The following TRAPPC9 variants were observed in gnomAD, a reference collection of about 807,000 sequenced individuals.
TRAPPC9 encodes IKK2 binding protein.
A neutral mutation model predicts 124.0 loss-of-function variants in TRAPPC9; 83 were observed. The ratio of observed to expected loss-of-function variants is 0.67; its 90% CI spans 0.56 to 0.80. TRAPPC9 has a LOEUF of 0.80. TRAPPC9 is among the 30% of genes least tolerant of loss of function. The pLI is 0.00. For synonymous variants in TRAPPC9, 638 were observed against 617.5 expected, an observed-to-expected ratio of 1.03 and a Z score of -0.49; for missense variants, 1,302 against 1,508.3, an observed-to-expected ratio of 0.86 and a Z score of 2.27.
intron 17 of TRAPPC9, among the ~76,000 whole-genome samples, chr8:140,123,479 C>T (rs1158330655): frequency 6.6e-6 from 1 of 152,140 alleles, no homozygotes; most frequent in Non-Finnish European, 1.5e-5. Flanking sequence ...TCTGCTCTCC[C>T]TGCCCTGCCC....
chr8:140,301,496 G>GT (rs1471271252), intron 10 of TRAPPC9, among the ~76,000 whole-genome samples: 1 of 152,228 alleles, frequency 6.6e-6, no homozygotes, highest in Admixed American at 6.5e-5. Flanking sequence ...CTGGAAAGCA[G>GT]TAACAACAGG....
At chr8:139,890,788 T>A (rs1830290055) in intron 20 of TRAPPC9, among the ~76,000 whole-genome samples, 1 of 151,802 alleles carries the variant, frequency 6.6e-6, no homozygotes, top group African/African-American at 2.4e-5. Flanking sequence ...ATGGCACATG[T>A]ATACGTATGT....
At chr8:140,086,464 T>C (rs1844189292) in intron 17 of TRAPPC9, among the ~76,000 whole-genome samples, 1 of 152,160 alleles carries the variant, frequency 6.6e-6, no homozygotes, top group Non-Finnish European at 1.5e-5. Context: ...AGCCTCCCCA[T>C]GGCTCTCAGG....
chr8:139,918,185 A>G (rs1223103396), intron 19 of TRAPPC9, among the ~76,000 whole-genome samples: 1 of 152,106 alleles, frequency 6.6e-6, no homozygotes, highest in Non-Finnish European at 1.5e-5. Flanking sequence ...GAGGCCCATT[A>G]TTTCTTCAGT....
chr8:140,243,754 T>C (rs936996281), intron 16 of TRAPPC9, among the ~76,000 whole-genome samples: 1 of 152,256 alleles, frequency 6.6e-6, no homozygotes, highest in African/African-American at 2.4e-5. Flanking sequence ...AAGTCTCCAT[T>C]TGTCCACCAG....
chr8:140,443,485 T>C (rs951479916), intron 2 of TRAPPC9, among the ~76,000 whole-genome samples: 1 of 151,674 alleles, frequency 6.6e-6, no homozygotes, highest in African/African-American at 2.4e-5. Context: ...CTACAGCCCA[T>C]AATTTTGCAC....
At chr8:140,271,356 G>T (rs542593978) in intron 15 of TRAPPC9, among the ~76,000 whole-genome samples, 1 of 152,284 alleles carries the variant, frequency 6.6e-6, no homozygotes, top group African/African-American at 2.4e-5. Context: ...AAGAAAAAAT[G>T]ATTAAATGAA....
At chr8:139,979,419 G>A (rs1034625926) in intron 19 of TRAPPC9, among the ~76,000 whole-genome samples, 1 of 152,294 alleles carries the variant, frequency 6.6e-6, no homozygotes, top group Middle Eastern at 3.4e-3. Context: ...TGGGAAGGGC[G>A]GACACGAACG....
intron 20 of TRAPPC9, among the ~76,000 whole-genome samples, chr8:139,891,429 C>T (rs1173213644): frequency 6.6e-6 from 1 of 152,228 alleles, no homozygotes; most frequent in African/African-American, 2.4e-5. Context: ...TACAGTCTTG[C>T]TGGGTGAGGG....
intron 21 of TRAPPC9, among the ~76,000 whole-genome samples, chr8:139,758,321 G>A (rs978520154): frequency 1.4e-4 from 21 of 152,322 alleles, no homozygotes; most frequent in East Asian, 3.9e-4. Flanking sequence ...TGCCCACGTC[G>A]CGTGCTTTAC....
intron 16 of TRAPPC9, among the ~76,000 whole-genome samples, chr8:140,234,076 C>G (rs944662348): frequency 2.6e-5 from 4 of 152,114 alleles, no homozygotes; most frequent in Non-Finnish European, 5.9e-5. Context: ...GATCAGGGGT[C>G]CCCAACCCCC....
intron 17 of TRAPPC9, among the ~76,000 whole-genome samples, chr8:140,154,187 C>T (rs558849031): frequency 3.3e-5 from 5 of 152,148 alleles, no homozygotes; most frequent in Non-Finnish European, 7.3e-5. Context: ...AGCTCAAGCA[C>T]GATTCCACTC....
chr8:140,164,795 C>A (rs1297835563), intron 17 of TRAPPC9, among the ~76,000 whole-genome samples: 1 of 152,186 alleles, frequency 6.6e-6, no homozygotes, highest in African/African-American at 2.4e-5. Flanking sequence ...CCATGTCCTG[C>A]CAATCCCTGA....
In TRAPPC9 at chr8:139,887,848, T is replaced by C. The variant is rs1022226708; in HGVS notation, c.2965-1879A>G. ...TGTTTGGTTCACAGAAGTTGCTCAA[T>C]ATATATTGCCTGATGAATAAATGAA... is the stretch of plus-strand genomic sequence containing the variant. On this transcript the variant is annotated intron_variant, in intron 20 of 22. Transcript: ENST00000438773. Among the ~76,000 whole-genome samples, 3 of 152,186 alleles carry C rather than the reference T, an allele frequency of 2.0e-5. No individual in the cohort carries two copies. The East Asian group carries it at 5.8e-4, about 29-fold the overall frequency.
chr8:140,230,920 G>A (rs2063576641), intron 16 of TRAPPC9, among the ~76,000 whole-genome samples: 1 of 152,212 alleles, frequency 6.6e-6, no homozygotes, highest in African/African-American at 2.4e-5. Context: ...GGAAACTGTG[G>A]CTGGGGCTTT....
intron 10 of TRAPPC9, among the ~76,000 whole-genome samples, chr8:140,301,745 G>C (rs1217862453): frequency 1.3e-5 from 2 of 152,212 alleles, no homozygotes; most frequent in Non-Finnish European, 2.9e-5. Context: ...CTGGCCAGTA[G>C]GTTGTGAGTG....
At chr8:140,011,945 T>TCCC (rs1307188058) in intron 18 of TRAPPC9, among the ~76,000 whole-genome samples, 22 of 152,232 alleles carry the variant, frequency 1.4e-4, no homozygotes, top group African/African-American at 5.1e-4. Context: ...CCCAAAGTGC[T>TCCC]AGGATTACAG....
intron 4 of TRAPPC9, among the ~76,000 whole-genome samples, chr8:140,427,381 A>T (rs59688528): frequency 0.027 from 2,762 of 101,972 alleles, 55 homozygotes; most frequent in African/African-American, 0.058. Flanking sequence ...TCTCTCTCTC[A>T]CACACACACA....
intron 17 of TRAPPC9, among the ~76,000 whole-genome samples, chr8:140,208,813 G>C (rs1390484150): frequency 1.3e-5 from 2 of 152,196 alleles, no homozygotes; most frequent in African/African-American, 4.8e-5. Context: ...GAGTTGAGCA[G>C]GTCTGCTTAG....
Sources: gnomAD v4.1 joint callset for allele counts (sites outside exome capture counted in the v4.1 genomes callset) on GRCh38, gnomAD v4.1.1 for gene constraint, MANE v1.5 for transcripts, NCBI Gene and HGNC (gene_info 2026-07-23, HGNC 2026-07-21) for gene names.